The following PDGFC variants were observed in gnomAD, a reference collection of about 807,000 sequenced individuals.
The protein encoded by PDGFC is platelet derived growth factor C.
A neutral mutation model predicts 35.5 loss-of-function variants in PDGFC; 12 were observed. The observed-to-expected ratio is 0.34, with a 90% CI of 0.22 to 0.55. The LOEUF (loss-of-function observed/expected upper bound fraction) is 0.55, where lower values mean the gene tolerates loss of function less well. PDGFC is among the 20% of genes least tolerant of loss of function. The probability of loss-of-function intolerance (pLI) is 0.91; values close to 1 mark genes in which losing one functional copy is unlikely to be tolerated. For synonymous variants in PDGFC, 159 were observed against 148.8 expected (o/e 1.07, Z -0.50); for missense variants, 322 against 412.4 (o/e 0.78, Z 1.90).
chr4:156,878,802 T>C (rs1730176027), intron 1 of PDGFC, among the ~76,000 whole-genome samples: 1 of 152,172 alleles, frequency 6.6e-6, no homozygotes, highest in Non-Finnish European at 1.5e-5. Context: ...TCATATAGTC[T>C]ATAAGCTCCA....
intron 3 of PDGFC, among the ~76,000 whole-genome samples, chr4:156,796,200 T>C (rs1399406016): frequency 6.6e-6 from 1 of 152,180 alleles, no homozygotes; most frequent in African/African-American, 2.4e-5. Context: ...TCTAAAGCCA[T>C]TTAGTGATAC....
At chr4:156,901,475 A>G (rs547559084) in intron 1 of PDGFC, among the ~76,000 whole-genome samples, 8 of 152,200 alleles carry the variant, frequency 5.3e-5, no homozygotes, top group Middle Eastern at 3.2e-3. Context: ...AAGGATGGTC[A>G]CAGAGTACAT....
intron 1 of PDGFC, among the ~76,000 whole-genome samples, chr4:156,947,920 T>C (rs1731985257): frequency 6.6e-6 from 1 of 151,980 alleles, no homozygotes; most frequent in South Asian, 2.1e-4. Context: ...TTGACGGACA[T>C]TCTATGCCTA....
chr4:156,781,307 A>G (rs1560808716), intron 3 of PDGFC, among the ~76,000 whole-genome samples: 1 of 152,138 alleles, frequency 6.6e-6, no homozygotes, highest in Non-Finnish European at 1.5e-5. Context: ...CCAACATGTG[A>G]AACAGTCTTC....
At chr4:156,935,049 G>A (rs979499014) in intron 1 of PDGFC, among the ~76,000 whole-genome samples, 1 of 152,168 alleles carries the variant, frequency 6.6e-6, no homozygotes, top group East Asian at 1.9e-4. Context: ...AGGATGGAGT[G>A]CAGTGGCATG....
intron 2 of PDGFC, among the ~76,000 whole-genome samples, chr4:156,821,167 G>T (rs1182853660): frequency 8.2e-6 from 1 of 121,490 alleles, no homozygotes; most frequent in Non-Finnish European, 1.7e-5. Context: ...GTTGCCTGTT[G>T]TATGTGTGTG....
chr4:156,946,593 C>A (rs2110924687), intron 1 of PDGFC, among the ~76,000 whole-genome samples: 1 of 152,122 alleles, frequency 6.6e-6, no homozygotes, highest in South Asian at 2.1e-4. Flanking sequence ...GAAGGAAGAG[C>A]TACTGTCTTT....
chr4:156,824,327 T>TATATATATATAC (rs1491500876), intron 2 of PDGFC, among the ~76,000 whole-genome samples: 66 of 102,672 alleles, frequency 6.4e-4, no homozygotes, highest in South Asian at 1.3e-3. Context: ...TATATATATA[T>TATATATATATAC]ACACACACAC....
chr4:156,793,560 T>A (rs1560814427), intron 3 of PDGFC, among the ~76,000 whole-genome samples: 1 of 139,208 alleles, frequency 7.2e-6, no homozygotes, highest in Non-Finnish European at 1.5e-5. Context: ...TATATATATA[T>A]ATAAAACACT....
chr4:156,811,448 A>AG (rs1731930160), intron 2 of PDGFC, among the ~76,000 whole-genome samples: 1 of 151,908 alleles, frequency 6.6e-6, no homozygotes, highest in Admixed American at 6.6e-5. Context: ...CTCTTTCCTC[A>AG]TCTGTGATGC....
intron 1 of PDGFC, among the ~76,000 whole-genome samples, chr4:156,890,187 T>C (rs955049481): frequency 1.3e-5 from 2 of 151,930 alleles, no homozygotes; most frequent in African/African-American, 2.4e-5. Context: ...CAGTAATCCA[T>C]GGAGTGGCAT....
chr4:156,943,718 T>C (rs1220281921), intron 1 of PDGFC, among the ~76,000 whole-genome samples: 1 of 152,154 alleles, frequency 6.6e-6, no homozygotes, highest in African/African-American at 2.4e-5. Flanking sequence ...AGACCAAGCA[T>C]GTTGCCAGAA....
chr4:156,926,783 G>A (rs1026098767), intron 1 of PDGFC, among the ~76,000 whole-genome samples: 1 of 152,242 alleles, frequency 6.6e-6, no homozygotes, highest in Middle Eastern at 3.4e-3. Context: ...CCAGGCACCC[G>A]GTACAAGCTG....
At chr4:156,783,276 C>A (rs963894709) in intron 3 of PDGFC, among the ~76,000 whole-genome samples, 1 of 152,012 alleles carries the variant, frequency 6.6e-6, no homozygotes, top group African/African-American at 2.4e-5. Flanking sequence ...GTGTGCCATG[C>A]TATGGAATCT....
At chr4:156,849,485 T>TTTGA (rs1478542915) in intron 2 of PDGFC, among the ~76,000 whole-genome samples, 1 of 152,108 alleles carries the variant, frequency 6.6e-6, no homozygotes, top group Admixed American at 6.5e-5. Flanking sequence ...ATTTTCATGT[T>TTTGA]ATACAAATGT....
At chr4:156,808,833 A>C (rs753448738) in intron 3 of PDGFC, among the ~76,000 whole-genome samples, 3 of 152,082 alleles carry the variant, frequency 2.0e-5, no homozygotes, top group Non-Finnish European at 2.9e-5. Context: ...GAATGGATAT[A>C]TGGAACCAAG....
chr4:156,763,576 C>CA (rs1730442989), intron 5 of PDGFC, among the ~76,000 whole-genome samples: 1 of 152,120 alleles, frequency 6.6e-6, no homozygotes. Context: ...TTGTCGCTTT[C>CA]TTTCATTCAT....
chr4:156,821,141 A>T lies in PDGFC; in HGVS notation c.315-10124T>A, dbSNP rs976216714. Among the ~76,000 whole-genome samples, 10 of 151,714 alleles carry T rather than the reference A, an allele frequency of 6.6e-5. 1 individual carries two copies. The East Asian group carries it at 1.6e-3, about 24-fold the overall frequency. On this transcript the variant is annotated intron_variant, in intron 2 of 5. Transcript: ENST00000502773. Reference sequence around the variant, plus strand: ...TGGAGTATATATAGTATGAAAGTTGAGACATCCCAAGGAATGTTGCCTGTT... The same window carrying T: ...TGGAGTATATATAGTATGAAAGTTGTGACATCCCAAGGAATGTTGCCTGTT...
chr4:156,907,264 CAT>C (rs1730936947), intron 1 of PDGFC, among the ~76,000 whole-genome samples: 1 of 152,142 alleles, frequency 6.6e-6, no homozygotes. Flanking sequence ...TGTTTTTATA[CAT>C]GTTGATTTTT....
Sources: allele counts gnomAD v4.1 joint callset (sites outside exome capture counted in the v4.1 genomes callset), GRCh38; gene constraint gnomAD v4.1.1; transcripts MANE v1.5; gene names NCBI Gene and HGNC (gene_info 2026-07-23, HGNC 2026-07-21).